SLC15A2: variants seen among roughly 807,000 people sequenced by gnomAD.
SLC15A2 encodes the protein kidney H(+)/peptide cotransporter.
SLC15A2 carries 77 observed loss-of-function variants against 95.5 expected under a neutral mutation model. The ratio of observed to expected loss-of-function variants is 0.81; its 90% confidence interval spans 0.67 to 0.97. The LOEUF (loss-of-function observed/expected upper bound fraction) is 0.97, where lower values mean the gene tolerates loss of function less well. Among genes scored for constraint, SLC15A2 ranks in the 50% least tolerant of loss-of-function variants. SLC15A2 has a pLI of 0.00. For missense variants in SLC15A2, 893 were observed against 874.4 expected (o/e 1.02, Z -0.27); for synonymous variants, 306 against 306.9 (o/e 1.00, Z 0.03).
chr3:121,908,503 A>G (rs537408288), intron 3 of SLC15A2, among the ~76,000 whole-genome samples: 35 of 152,266 alleles, frequency 2.3e-4, no homozygotes, highest in South Asian at 1.7e-3. Flanking sequence ...GTTCGTATTC[A>G]GCCATCTTGG....
In SLC15A2 at chr3:121,934,931, A is replaced by G. The variant is rs1408366531; in HGVS notation, c.1761+3196A>G. Among the ~76,000 whole-genome samples, 13 of 151,918 alleles carry G rather than the reference A, an allele frequency of 8.6e-5. No individual in the cohort carries two copies. The East Asian group carries it at 2.5e-3, about 29-fold the overall frequency. On this transcript the variant is annotated intron_variant, in intron 19 of 21. Coordinates refer to ENST00000489711, the MANE Select transcript of SLC15A2 (RefSeq NM_021082.4). ...TAGATAGCTCTTATTATTTTGAAATACATCCCATCAATACCTAATTTATTG... is the reference window on the plus strand; with the variant it reads ...TAGATAGCTCTTATTATTTTGAAATGCATCCCATCAATACCTAATTTATTG...
At chr3:121,897,319 T>C in intron 2 of SLC15A2, 69 bp from the exon 3 acceptor site, 2 of 1,562,080 alleles carry the variant, frequency 1.3e-6, no homozygotes, top group Non-Finnish European at 1.7e-6. Context: ...AAATATTTTT[T>C]TCCATAAGTC....
At chr3:121,908,103 C>A (rs769161136) in intron 3 of SLC15A2, among the ~76,000 whole-genome samples, 1 of 152,244 alleles carries the variant, frequency 6.6e-6, no homozygotes, top group Non-Finnish European at 1.5e-5. Flanking sequence ...TGCCCCTCCC[C>A]CTACTAGGCT....
intron 3 of SLC15A2, 150 bp from the exon 4 acceptor site, chr3:121,911,424 C>G: frequency 3.3e-6 from 2 of 608,708 alleles, no homozygotes; most frequent in South Asian, 4.1e-5. Context: ...CCATTATTGT[C>G]TCTATTTGGA....
chr3:121,928,374 T>C, intron 14 of SLC15A2, 47 bp from the exon 15 acceptor site: 1 of 1,601,132 alleles, frequency 6.2e-7, no homozygotes. Flanking sequence ...CCATTGTATC[T>C]GAAGGATTAT....
intron 3 of SLC15A2, among the ~76,000 whole-genome samples, chr3:121,902,376 A>G (rs1385697117): frequency 1.3e-5 from 2 of 151,866 alleles, no homozygotes; most frequent in Non-Finnish European, 2.9e-5. Flanking sequence ...ATTTTTTATT[A>G]TACTTTAAGT....
At chr3:121,940,580 T>C in intron 21 of SLC15A2, 92 bp downstream of exon 21, 3 of 1,090,218 alleles carry the variant, frequency 2.8e-6, no homozygotes, top group Non-Finnish European at 4.1e-6. Context: ...GCTTCCCACA[T>C]TCCCCATTCA....
At chr3:121,930,175 T>A (rs1042685149) in intron 17 of SLC15A2, among the ~76,000 whole-genome samples, 7 of 152,170 alleles carry the variant, frequency 4.6e-5, no homozygotes, top group African/African-American at 1.7e-4. Context: ...TAAAGGGAAA[T>A]GTCCTTCTTA....
chr3:121,937,584 C>T (rs1246027876), intron 19 of SLC15A2, among the ~76,000 whole-genome samples: 1 of 151,534 alleles, frequency 6.6e-6, no homozygotes, highest in African/African-American at 2.4e-5. Context: ...GCATTCTTCA[C>T]GTAGTTCTCG....
Position 121,896,504 on chromosome 3 carries a change from G to A in SLC15A2, c.193+11G>A. 1 of 1,605,972 alleles carries A rather than the reference G, an allele frequency of 6.2e-7. No individual in the cohort carries two copies. The highest frequency in any genetic ancestry group is 8.5e-7 in the Non-Finnish European group (1 of 1,172,638). On this transcript the variant is annotated intron_variant, in intron 2 of 21. Coordinates refer to ENST00000489711, the MANE Select transcript of SLC15A2 (RefSeq NM_021082.4). Reference sequence around the variant, plus strand: ...ATTATGGAATGAAAGGTAATTTTGTGTCCAAGAGTCCTACCTACTCTCCTC... The same window carrying A: ...ATTATGGAATGAAAGGTAATTTTGTATCCAAGAGTCCTACCTACTCTCCTC...
In SLC15A2 at chr3:121,944,006, T is replaced by A. The variant is rs1710506668; in HGVS notation, c.*2999T>A. The A allele has an allele frequency of 1.3e-5, 2 of 152,246 alleles. No individual in the cohort carries two copies. Among genetic ancestry groups the A allele is most frequent in the South Asian group, 4.1e-4 (2 of 4,836 alleles). The allele number at this position is 152,246 out of a possible 1,614,324, so 9.4% of individuals were successfully genotyped here. On this transcript the variant is annotated 3_prime_UTR_variant, in exon 22 of 22. Transcript: ENST00000489711. ...TGTCTATATCTGTTATGTATCAATT[T>A]TTTAAAAAGTGAATGACATAATTCA...
chr3:121,937,932 G>A (rs1194931941), intron 19 of SLC15A2, among the ~76,000 whole-genome samples: 1 of 151,724 alleles, frequency 6.6e-6, no homozygotes, highest in African/African-American at 2.4e-5. Flanking sequence ...GTGATGTACA[G>A]ATGGGTTTTT....
At position 121,940,416 on chromosome 3, in the gene SLC15A2, A is replaced by C; in HGVS notation, c.1941A>C (p.Ala647=). The C allele has an allele frequency of 6.2e-7, 1 of 1,614,114 alleles. No individual in the cohort carries two copies. Residue 647 remains alanine (A), a synonymous_variant, in exon 21 of 22, where the codon GCA becomes GCC. Coordinates refer to ENST00000489711, the MANE Select transcript of SLC15A2 (RefSeq NM_021082.4). ...CTAGCATGAAATCTGTGCTCCAGGC[A>C]GCTTGGCTATTGACAATTGCAGTTG... ...APSSMKSVLQ[A]AWLLTIAVGN...
At chr3:121,922,423 T>G in intron 8 of SLC15A2, 121 bp downstream of exon 8, 1 of 713,940 alleles carries the variant, frequency 1.4e-6, no homozygotes, top group South Asian at 2.0e-5. Context: ...TATTTTCATG[T>G]TTTTTAACAA....
chr3:121,940,494 G>T lies in SLC15A2; in HGVS notation c.2013+6G>T. The T allele has an allele frequency of 2.5e-6, 4 of 1,601,460 alleles. No homozygotes were observed. The highest frequency in any genetic ancestry group is 3.4e-6 in the Non-Finnish European group (4 of 1,168,846). ...AGTTCAGTGGCCTGGTACAGGTATG[G>T]ATCTGAGGGAAGCAGGATTCATTTC... On this transcript the variant is annotated splice_donor_region_variant and intron_variant, in intron 21 of 21. Transcript: ENST00000489711.
rs1710413167 is a variant in SLC15A2, at chr3:121,939,248, G to GA, written c.1762-97dup. ...AATTTCCTGAAAATGGCTGAAGAAT[G>GA]AAAATACAAAAAGGATGGATATAAG... On this transcript the variant is annotated intron_variant, in intron 19 of 21. Transcript: ENST00000489711. 4.9e-6 allele frequency: 5 copies of GA among 1,013,808 alleles called. No homozygotes were observed. The South Asian group carries it at 1.6e-4, about 32-fold the overall frequency. 62.8% of individuals were successfully genotyped at this position (1,013,808 alleles called of 1,614,324 possible).
chr3:121,914,709 C>T (rs781538399), intron 5 of SLC15A2, among the ~76,000 whole-genome samples: 1 of 152,000 alleles, frequency 6.6e-6, no homozygotes, highest in African/African-American at 2.4e-5. Context: ...AAAATTTCTG[C>T]TCTAAAGAAA....
At chr3:121,912,926 C>T in intron 4 of SLC15A2, 95 bp from the exon 5 acceptor site, 1 of 810,150 alleles carries the variant, frequency 1.2e-6, no homozygotes. Flanking sequence ...GATCTTTGCC[C>T]TTGTACACAT....
At chr3:121,898,477 G>A (rs2107566427) in intron 3 of SLC15A2, among the ~76,000 whole-genome samples, 1 of 152,252 alleles carries the variant, frequency 6.6e-6, no homozygotes, top group East Asian at 1.9e-4. Flanking sequence ...GCTTAGAAAT[G>A]GATCGTGGTT....
Sources: allele counts gnomAD v4.1 joint callset (sites outside exome capture counted in the v4.1 genomes callset), GRCh38; gene constraint gnomAD v4.1.1; transcripts MANE v1.5; gene names NCBI Gene and HGNC (gene_info 2026-07-23, HGNC 2026-07-21).